Variants in AKAP9 observed in about 807,000 individuals in gnomAD.
The protein encoded by AKAP9 is A-kinase anchor protein 9.
In AKAP9, 311 loss-of-function variants were observed where a neutral mutation model predicts 488.5. That is an observed-to-expected ratio of 0.64 (90% CI 0.58 to 0.70). The LOEUF is 0.70. Ranked by LOEUF, AKAP9 falls within the 30% of genes least tolerant of loss-of-function variation. The probability of loss-of-function intolerance (pLI) is 0.00; values close to 1 mark genes in which losing one functional copy is unlikely to be tolerated. For synonymous variants in AKAP9, 1,462 were observed against 1,483.5 expected (o/e 0.99, Z 0.33); for missense variants, 4,215 against 4,374.5 (o/e 0.96, Z 1.03).
intron 2 of AKAP9, among the ~76,000 whole-genome samples, chr7:91,975,092 TCC>T (rs1795491981): frequency 6.6e-6 from 1 of 152,194 alleles, no homozygotes; most frequent in Non-Finnish European, 1.5e-5. Context: ...GCTCAGGAGA[TCC>T]ACCCACCTTG....
At chr7:92,035,640 T>A (rs1288528143) in intron 16 of AKAP9, among the ~76,000 whole-genome samples, 1 of 152,238 alleles carries the variant, frequency 6.6e-6, no homozygotes, top group Non-Finnish European at 1.5e-5. Context: ...AAATAGGCAG[T>A]CCACCCAGTT....
intron 27 of AKAP9, among the ~76,000 whole-genome samples, chr7:92,070,580 A>T (rs1450799981): frequency 6.6e-6 from 1 of 151,956 alleles, no homozygotes; most frequent in Admixed American, 6.6e-5. Context: ...GATTATAGGC[A>T]TGCGCCACCA....
Position 92,003,055 on chromosome 7 carries a change from A to G in AKAP9, c.3138A>G (p.Ser1046=), listed in dbSNP as rs1799363207. ...SKVNKSFGEE[S]KIMVEDKVSF... ...TAAATAAAAGTTTTGGTGAAGAATCAAAAATAATGGTGGAAGATAAAGTTT... is the reference window on the plus strand; with the variant it reads ...TAAATAAAAGTTTTGGTGAAGAATCGAAAATAATGGTGGAAGATAAAGTTT... Residue 1046 remains serine (S), a synonymous_variant, in exon 8 of 50, where the codon TCA becomes TCG. Transcript: ENST00000356239. 1 of 1,613,282 alleles carries G rather than the reference A, an allele frequency of 6.2e-7. No homozygotes were observed. The highest frequency in any genetic ancestry group is 8.5e-7 in the Non-Finnish European group (1 of 1,179,586).
Position 92,089,505 on chromosome 7 carries a change from C to A in AKAP9, c.9334C>A (p.Gln3112Lys). The A allele has an allele frequency of 6.2e-7, 1 of 1,613,358 alleles. No individual in the cohort carries two copies. The highest frequency in any genetic ancestry group is 8.5e-7 in the Non-Finnish European group (1 of 1,179,614). ...NGRKITLKRE[Q>K]ESEKPSQELL... ...TAGGAAAATTACTCTGAAAAGAGAA[C>A]AAGAGAGTGAGAAACCAAGCCAAGG... Residue 3112 changes from glutamine (Q) to lysine (K), a missense_variant, in exon 38 of 50, where the codon CAA becomes AAA. This residue lies in a region of AKAP9 where 1,476 missense variants were observed against 1,477.4 expected (regional missense o/e 1.00). Transcript: ENST00000356239.
intron 2 of AKAP9, 70 bp downstream of exon 2, chr7:91,974,038 C>A: frequency 6.4e-7 from 1 of 1,556,010 alleles, no homozygotes; most frequent in Non-Finnish European, 8.8e-7. Context: ...CAGTCATTAG[C>A]AACTGTGCGC....
intron 9 of AKAP9, 58 bp downstream of exon 9, chr7:92,012,700 A>G (rs1800917912): frequency 2.9e-6 from 4 of 1,399,016 alleles, no homozygotes; most frequent in Non-Finnish European, 4.0e-6. Context: ...GATAGAGCCC[A>G]CCATTCTATA....
At position 92,042,884 on chromosome 7, in the gene AKAP9, TCATAC is replaced by T. The variant is rs1424767557; in HGVS notation, c.5162+117_5162+121del. ...CATTGATACTTTGTCTTAAAAATCA[TCATAC>T]CATCTGTGTATGAAACATGTCCATG... On this transcript the variant is annotated intron_variant, in intron 20 of 49. Transcript: ENST00000356239. 10 of 738,164 alleles carry T rather than the reference TCATAC, an allele frequency of 1.4e-5. No individual in the cohort carries two copies. The African/African-American group carries it at 1.6e-4, about 11-fold the overall frequency. The allele number at this position is 738,164 out of a possible 1,614,324, so 45.7% of individuals were successfully genotyped here. A position where few individuals can be genotyped will look rare whatever the true frequency, so the allele number is the denominator to read the frequency against.
At chr7:92,090,158 CTGTA>C (rs911326327) in intron 38 of AKAP9, 3 of 152,188 alleles carry the variant, frequency 2.0e-5, no homozygotes, top group Non-Finnish European at 2.9e-5. Flanking sequence ...CTTTATCAAT[CTGTA>C]TGTATTTTTT....
chr7:92,048,564 G>A (rs1263000812), intron 21 of AKAP9, among the ~76,000 whole-genome samples: 6 of 152,198 alleles, frequency 3.9e-5, no homozygotes, highest in Non-Finnish European at 7.3e-5. Flanking sequence ...GGCCAGGGAT[G>A]GAATCTTGTC....
intron 33 of AKAP9, among the ~76,000 whole-genome samples, chr7:92,083,942 A>G (rs1193408178): frequency 1.3e-5 from 2 of 152,152 alleles, no homozygotes; most frequent in South Asian, 2.1e-4. Context: ...CCCGTCATCT[A>G]CATTAGGTAT....
chr7:91,990,102 A>G (rs1055590134), intron 3 of AKAP9, among the ~76,000 whole-genome samples: 5 of 152,236 alleles, frequency 3.3e-5, no homozygotes, highest in African/African-American at 1.2e-4. Context: ...CAGAAAGAAT[A>G]CATTAACATA....
intron 47 of AKAP9, among the ~76,000 whole-genome samples, chr7:92,106,932 G>A (rs1015229146): frequency 4.6e-5 from 7 of 152,138 alleles, no homozygotes; most frequent in African/African-American, 1.7e-4. Flanking sequence ...GGTTACATTG[G>A]TCTAATATTT....
chr7:92,102,975 T>TC, intron 46 of AKAP9, 149 bp downstream of exon 46: 1 of 771,584 alleles, frequency 1.3e-6, no homozygotes, highest in African/African-American at 1.8e-5. Flanking sequence ...GCTTTTTTTT[T>TC]CTAGGTTTTC....
chr7:92,093,030 A>G (rs1250849391), intron 38 of AKAP9, 67 bp from the exon 39 acceptor site: 8 of 1,382,502 alleles, frequency 5.8e-6, no homozygotes, highest in Admixed American at 3.7e-5. Context: ...GTTCTTATCA[A>G]CAAATATTTA....
Position 92,002,675 on chromosome 7 carries a change from G to T in AKAP9, c.2758G>T (p.Asp920Tyr), listed in dbSNP as rs1584044970. 1 of 1,613,392 alleles carries T rather than the reference G, an allele frequency of 6.2e-7. No homozygotes were observed. The highest frequency in any genetic ancestry group is 8.5e-7 in the Non-Finnish European group (1 of 1,179,658). Residue 920 changes from aspartate to tyrosine, a missense_variant, in exon 8 of 50, where the codon GAC becomes TAC. Physicochemically the swap from Asp to Tyr is radical, Grantham distance 160. This residue lies in a region of AKAP9 where 2,361 missense variants were observed against 2,430.0 expected (regional missense o/e 0.97). Transcript: ENST00000356239. ...VKMKSSVFDE[D>Y]KTFVAETLEM... is the part of the protein sequence containing the mutation. ...AATGAAAAGTTCTGTCTTTGATGAA[G>T]ACAAAACTTTTGTAGCAGAAACATT...
At chr7:92,056,506 G>C (rs1411875010) in intron 22 of AKAP9, among the ~76,000 whole-genome samples, 1 of 150,738 alleles carries the variant, frequency 6.6e-6, no homozygotes, top group African/African-American at 2.4e-5. Context: ...TGTTTATTAG[G>C]GTTTCTTATG....
At chr7:92,071,677 C>T (rs1811758853) in intron 28 of AKAP9, among the ~76,000 whole-genome samples, 1 of 152,066 alleles carries the variant, frequency 6.6e-6, no homozygotes, top group Non-Finnish European at 1.5e-5. Context: ...CTAGCTATAT[C>T]TTATCATTTA....
chr7:91,973,674 T>TCC lies in AKAP9; in HGVS notation c.49-37_49-36insCC, dbSNP rs754252491. The TCC allele has an allele frequency of 6.6e-5, 106 of 1,603,538 alleles. No homozygotes were observed. The African/African-American group carries it at 1.3e-3, about 20-fold the overall frequency. On this transcript the variant is annotated intron_variant, in intron 1 of 49. Coordinates refer to ENST00000356239, the MANE Select transcript of AKAP9 (RefSeq NM_005751.5). Reference sequence around the variant, plus strand: ...TTTCTTGGTGGCAATAAAGAAAAATTATCTTTGACAATAACGGTTATTTTC... The same window carrying TCC: ...TTTCTTGGTGGCAATAAAGAAAAATTCCATCTTTGACAATAACGGTTATTTTC...
chr7:92,100,706 T>A, intron 44 of AKAP9, 150 bp from the exon 45 acceptor site: 1 of 811,608 alleles, frequency 1.2e-6, no homozygotes, highest in Non-Finnish European at 2.1e-6. Context: ...AGAGTTAGTG[T>A]ATATGCGTAA....
Sources: allele counts gnomAD v4.1 joint callset (sites outside exome capture counted in the v4.1 genomes callset), GRCh38; gene constraint gnomAD v4.1.1; regional missense constraint gnomAD v4.1.1; transcripts MANE v1.5; gene names NCBI Gene and HGNC (gene_info 2026-07-23, HGNC 2026-07-21).